KCNK9: variants seen among roughly 807,000 people sequenced by gnomAD.
KCNK9 encodes the protein potassium two pore domain channel subfamily K member 9.
Under a neutral mutation model 10.8 loss-of-function variants are expected in KCNK9, and 1 was observed. The ratio of observed to expected loss-of-function variants is 0.09; its 90% CI spans 0.03 to 0.44. The LOEUF (loss-of-function observed/expected upper bound fraction) is 0.44. Ranked by LOEUF, KCNK9 falls within the 20% of genes least tolerant of loss-of-function variation. KCNK9 has a pLI of 0.97. For missense variants in KCNK9, 303 were observed against 515.0 expected, an observed-to-expected ratio of 0.59 and a Z score of 3.98; for synonymous variants, 231 against 222.7, an observed-to-expected ratio of 1.04 and a Z score of -0.33.
At chr8:139,613,800 C>A (rs1457585817), downstream of KCNK9, among the ~76,000 whole-genome samples, 1 of 152,188 alleles carries the variant, frequency 6.6e-6, no homozygotes, top group Non-Finnish European at 1.5e-5. Context: ...CTGGCCACGA[C>A]TCTGGAGGAA....
chr8:139,615,738 C>A (rs1006648559), downstream of KCNK9: 9 of 152,054 alleles, frequency 5.9e-5, no homozygotes, highest in Non-Finnish European at 8.8e-5. Context: ...GGAGAAAAGA[C>A]TTCATCCTAT....
chr8:139,667,091 C>T lies in KCNK9; in HGVS notation c.283+35619G>A, dbSNP rs73360045. Among the ~76,000 whole-genome samples, 179 of 152,104 alleles carry T rather than the reference C, an allele frequency of 1.2e-3. 1 individual carries two copies. Among genetic ancestry groups the T allele is most frequent in the African/African-American group, 4.2e-3 (174 of 41,494 alleles). ...ACCAGACAGCCCAAGGGGAACATTG[C>T]TATGATGCAGATCTGCATGCCCAGG... On this transcript the variant is annotated intron_variant, in intron 1 of 1. Transcript: ENST00000520439.
At chr8:139,698,926 A>G (rs1042915476) in intron 1 of KCNK9, among the ~76,000 whole-genome samples, 1 of 152,204 alleles carries the variant, frequency 6.6e-6, no homozygotes, top group African/African-American at 2.4e-5. Context: ...GCTGTTTCTC[A>G]GAGTGTACCC....
At position 139,618,571 on chromosome 8, in the gene KCNK9, A is replaced by G. The variant is rs1432341661; in HGVS notation, c.812T>C (p.Met271Thr). Residue 271 changes from methionine (M) to threonine (T), a missense_variant, in exon 2 of 2, where the codon ATG becomes ACG. Coordinates refer to ENST00000520439, the MANE Select transcript of KCNK9 (RefSeq NM_001282534.2). The surrounding 1 kb of genome is among the most constrained non-coding windows in gnomAD (Gnocchi z 7.9). ...RASLAGNRNSMVIHIPEEPRP... is the reference protein window; with the variant it reads ...RASLAGNRNSTVIHIPEEPRP... Reference sequence around the variant, plus strand: ...CGGCTCCTCAGGGATGTGAATGACCATGCTGTTGCGGTTTCCGGCGAGGGA... The same window carrying G: ...CGGCTCCTCAGGGATGTGAATGACCGTGCTGTTGCGGTTTCCGGCGAGGGA... The G allele has an allele frequency of 5.0e-6, 8 of 1,613,596 alleles. No homozygotes were observed. The highest frequency in any genetic ancestry group is 4.2e-6 in the Non-Finnish European group (5 of 1,179,816).
rs1814674230 is a variant in KCNK9 at position 139,618,579 on chromosome 8, G to A, written c.804C>T (p.Arg268=). 1 of 1,613,754 alleles carries A rather than the reference G, an allele frequency of 6.2e-7. No homozygotes were observed. The highest frequency in any genetic ancestry group is 1.3e-5 in the African/African-American group (1 of 75,058). ...AEERASLAGN[R]NSMVIHIPEE... The stretch of plus-strand genomic sequence containing the variant: ...CAGGGATGTGAATGACCATGCTGTT[G>A]CGGTTTCCGGCGAGGGATGCCCTCT... The change falls in exon 2 of 2, where the codon CGC becomes CGT. Residue 268 remains arginine, a synonymous_variant. Coordinates refer to ENST00000520439, the MANE Select transcript of KCNK9 (RefSeq NM_001282534.2). The surrounding 1 kb of genome is among the most constrained non-coding windows in gnomAD (Gnocchi z 7.9).
chr8:139,626,586 C>T lies in KCNK9; in HGVS notation c.284-7487G>A, dbSNP rs918846964. ...CCTCTTTCTCTTCTGTCACTGCAAC[C>T]CCAGTCTCCCAGGGAGCCTGGCTAT... On this transcript the variant is annotated intron_variant, in intron 1 of 1. Coordinates refer to ENST00000520439, the MANE Select transcript of KCNK9 (RefSeq NM_001282534.2). 4.6e-5 allele frequency among the ~76,000 whole-genome samples: 7 copies of T among 152,178 alleles called. No individual in the cohort carries two copies. The East Asian group carries it at 1.4e-3, about 29-fold the overall frequency.
intron 1 of KCNK9, among the ~76,000 whole-genome samples, chr8:139,669,499 G>C (rs142431260): frequency 1.3e-5 from 2 of 152,298 alleles, no homozygotes; most frequent in East Asian, 3.9e-4. Context: ...TCCATCTCAA[G>C]AAACCACTGT....
intron 1 of KCNK9, among the ~76,000 whole-genome samples, chr8:139,694,099 G>A (rs749372115): frequency 1.7e-4 from 26 of 152,118 alleles, no homozygotes; most frequent in Non-Finnish European, 3.1e-4. Flanking sequence ...CAGTCAGGGC[G>A]GCCTCAGGTG....
At chr8:139,638,058 G>A (rs753416158) in intron 1 of KCNK9, among the ~76,000 whole-genome samples, 5 of 151,956 alleles carry the variant, frequency 3.3e-5, no homozygotes, top group Non-Finnish European at 7.4e-5. Context: ...CCTCATCTGT[G>A]GAATAAGAGA....
intron 1 of KCNK9, among the ~76,000 whole-genome samples, chr8:139,673,154 G>C (rs1816474101): frequency 6.6e-6 from 1 of 152,096 alleles, no homozygotes; most frequent in African/African-American, 2.4e-5. Context: ...TCAAAACCTT[G>C]TGTGATAGAG....
chr8:139,626,603 C>T (rs116608214), intron 1 of KCNK9, among the ~76,000 whole-genome samples: 6,386 of 152,232 alleles, frequency 0.042, 416 homozygotes, highest in African/African-American at 0.14. Context: ...TCCCAGGGAG[C>T]CTGGCTATTC....
At chr8:139,610,846 G>A (rs187934412), downstream of KCNK9, among the ~76,000 whole-genome samples, 3 of 152,340 alleles carry the variant, frequency 2.0e-5, no homozygotes, top group South Asian at 2.1e-4. Flanking sequence ...AGCTTGTGGA[G>A]GGCCTTGAGA....
chr8:139,656,168 A>AT (rs764558339), intron 1 of KCNK9, among the ~76,000 whole-genome samples: 1 of 152,118 alleles, frequency 6.6e-6, no homozygotes, highest in Non-Finnish European at 1.5e-5. Context: ...GCAGGTAAAT[A>AT]TACCCCACCT....
chr8:139,609,081 C>G (rs1225875961), downstream of KCNK9, among the ~76,000 whole-genome samples: 1 of 149,506 alleles, frequency 6.7e-6, no homozygotes, highest in African/African-American at 2.5e-5. Flanking sequence ...GTCCCTTCCT[C>G]ATGGCAATCT....
intron 1 of KCNK9, among the ~76,000 whole-genome samples, chr8:139,681,565 G>A (rs903706799): frequency 6.6e-6 from 1 of 152,352 alleles, no homozygotes; most frequent in East Asian, 1.9e-4. Flanking sequence ...GCCCCTGAGT[G>A]CTTGGGAGCT....
chr8:139,613,747 G>A (rs1158107073), downstream of KCNK9, among the ~76,000 whole-genome samples: 1 of 152,180 alleles, frequency 6.6e-6, no homozygotes, highest in East Asian at 1.9e-4. Flanking sequence ...CAGGTCCCCT[G>A]CCTGCCATCC....
chr8:139,663,384 G>GC (rs1303973439), intron 1 of KCNK9, among the ~76,000 whole-genome samples: 2 of 151,824 alleles, frequency 1.3e-5, no homozygotes, highest in Non-Finnish European at 2.9e-5. Flanking sequence ...TGCTCTCGGC[G>GC]CCCCCATCAA....
chr8:139,613,556 T>C (rs1172386599), downstream of KCNK9, among the ~76,000 whole-genome samples: 1 of 152,194 alleles, frequency 6.6e-6, no homozygotes, highest in Non-Finnish European at 1.5e-5. Context: ...TCTGGGTGGC[T>C]CAAGCTTCAA....
chr8:139,691,301 C>T (rs528810306), intron 1 of KCNK9, among the ~76,000 whole-genome samples: 28 of 152,370 alleles, frequency 1.8e-4, no homozygotes, highest in Non-Finnish European at 5.9e-5. Context: ...TACCAGCTTT[C>T]CAACTCCACA....
Sources: gnomAD v4.1 joint callset for allele counts (sites outside exome capture counted in the v4.1 genomes callset) on GRCh38, gnomAD v4.1.1 for gene constraint, Gnocchi (gnomAD v3.1) non-coding constraint, MANE v1.5 for transcripts, NCBI Gene and HGNC (gene_info 2026-07-23, HGNC 2026-07-21) for gene names.